SPAG16: variants seen among roughly 807,000 people sequenced by gnomAD.
SPAG16 encodes the protein sperm associated antigen 16.
Under a neutral mutation model 80.4 loss-of-function variants are expected in SPAG16, and 86 were observed. The observed-to-expected ratio is 1.07, with a 90% CI of 0.90 to 1.28. The LOEUF is 1.28. Among genes scored for constraint, SPAG16 ranks in the 50% most tolerant of loss-of-function variants. The pLI, the probability that SPAG16 is intolerant of heterozygous loss-of-function variation, is 0.00. For synonymous variants in SPAG16, 294 were observed against 265.9 expected, an observed-to-expected ratio of 1.11 and a Z score of -1.03; for missense variants, 870 against 765.3, an observed-to-expected ratio of 1.14 and a Z score of -1.61.
intron 1 of SPAG16, among the ~76,000 whole-genome samples, chr2:213,290,833 G>A (rs1307903664): frequency 1.3e-5 from 2 of 152,150 alleles, no homozygotes; most frequent in Non-Finnish European, 2.9e-5. Flanking sequence ...TGGCAAGATT[G>A]TTATCCAAAA....
Position 213,385,491 on chromosome 2 carries a change from C to T in SPAG16, c.942+10372C>T, listed in dbSNP as rs192090862. 5.3e-5 allele frequency among the ~76,000 whole-genome samples: 8 copies of T among 152,216 alleles called. No individual in the cohort carries two copies. The East Asian group carries it at 1.5e-3, about 29-fold the overall frequency. ...ACCCATAGGTACATGTTGGCTAGTTCCTGCAGTTCCTTGGAAGTAGTTCTT... is the reference window on the plus strand; with the variant it reads ...ACCCATAGGTACATGTTGGCTAGTTTCTGCAGTTCCTTGGAAGTAGTTCTT... On this transcript the variant is annotated intron_variant, in intron 9 of 15. Transcript: ENST00000331683.
chr2:214,238,396 T>G (rs1340440618), intron 15 of SPAG16: 1 of 166,086 alleles, frequency 6.0e-6, no homozygotes, highest in Non-Finnish European at 1.3e-5. Flanking sequence ...CAGGGATTAT[T>G]TTCATGCTCA....
At position 213,976,819 on chromosome 2, in the gene SPAG16, T is replaced by TTTTG. The variant is rs376198526; in HGVS notation, c.1401-37108_1401-37105dup. Among the ~76,000 whole-genome samples the TTTTG allele has an allele frequency of 3.5e-3, 525 of 151,992 alleles. 1 individual carries two copies. Among genetic ancestry groups the TTTTG allele is most frequent in the African/African-American group, 9.1e-3 (376 of 41,436 alleles). On this transcript the variant is annotated intron_variant, in intron 12 of 15. Coordinates refer to ENST00000331683, the MANE Select transcript of SPAG16 (RefSeq NM_024532.5). ...ACAACTTGAATGAGTTTGGAAGTGGTTTTGTTTGTTTGTTTGTTTGTTTGT... is the reference window on the plus strand; with the variant it reads ...ACAACTTGAATGAGTTTGGAAGTGGTTTTGTTTGTTTGTTTGTTTGTTTGTTTGT...
intron 14 of SPAG16, among the ~76,000 whole-genome samples, chr2:214,122,677 C>T (rs2054277607): frequency 6.6e-6 from 1 of 151,784 alleles, no homozygotes; most frequent in Non-Finnish European, 1.5e-5. Context: ...TTCAATTTTG[C>T]TTACTTTTCC....
chr2:213,723,254 G>A (rs1458993297), intron 10 of SPAG16, among the ~76,000 whole-genome samples: 2 of 152,044 alleles, frequency 1.3e-5, no homozygotes, highest in African/African-American at 4.8e-5. Flanking sequence ...TGGATGGCAT[G>A]TGGCTGGCCA....
intron 15 of SPAG16, among the ~76,000 whole-genome samples, chr2:214,260,972 T>C (rs1200402917): frequency 2.6e-5 from 4 of 151,580 alleles, no homozygotes; most frequent in Non-Finnish European, 5.9e-5. Flanking sequence ...CCGGGCGTGG[T>C]GGTGGGCACC....
chr2:213,513,278 G>A (rs1019011285), intron 10 of SPAG16, among the ~76,000 whole-genome samples: 4 of 152,148 alleles, frequency 2.6e-5, no homozygotes, highest in Non-Finnish European at 5.9e-5. Flanking sequence ...GTCATACACT[G>A]TGGCTGAACC....
intron 6 of SPAG16, among the ~76,000 whole-genome samples, chr2:213,346,045 C>G: frequency 6.6e-6 from 1 of 152,138 alleles, no homozygotes; most frequent in East Asian, 1.9e-4. Flanking sequence ...TTTGTATCCT[C>G]TTTTATTTCC....
intron 9 of SPAG16, among the ~76,000 whole-genome samples, chr2:213,474,679 A>G (rs1309514093): frequency 6.6e-6 from 1 of 152,180 alleles, no homozygotes; most frequent in Non-Finnish European, 1.5e-5. Context: ...CAACTCCAGA[A>G]ACCCTAAAAC....
intron 9 of SPAG16, among the ~76,000 whole-genome samples, chr2:213,453,147 C>T (rs1025258358): frequency 1.3e-5 from 2 of 152,114 alleles, no homozygotes; most frequent in Admixed American, 6.5e-5. Flanking sequence ...GTTTATGGTT[C>T]TTGTATTGTA....
At chr2:213,731,104 T>C (rs920755622) in intron 10 of SPAG16, among the ~76,000 whole-genome samples, 2 of 151,950 alleles carry the variant, frequency 1.3e-5, no homozygotes, top group African/African-American at 4.8e-5. Context: ...TTATACACAG[T>C]TAATTTAAGT....
intron 15 of SPAG16, among the ~76,000 whole-genome samples, chr2:214,249,711 A>G (rs1209559024): frequency 6.6e-6 from 1 of 151,018 alleles, no homozygotes; most frequent in African/African-American, 2.4e-5. Flanking sequence ...CACATGGTGG[A>G]TATAACAGTA....
At chr2:214,026,471 A>G (rs1478428396) in intron 13 of SPAG16, among the ~76,000 whole-genome samples, 3 of 149,406 alleles carry the variant, frequency 2.0e-5, no homozygotes, top group Admixed American at 6.6e-5. Flanking sequence ...AATCTGCATA[A>G]TAACAGTGAA....
At chr2:214,310,315 TATAG>T (rs1268710525) in intron 15 of SPAG16, among the ~76,000 whole-genome samples, 1 of 152,138 alleles carries the variant, frequency 6.6e-6, no homozygotes, top group African/African-American at 2.4e-5. Flanking sequence ...ATTCATTGGT[TATAG>T]ATAGCTTTTG....
At chr2:213,403,283 T>A (rs1323975012) in intron 9 of SPAG16, among the ~76,000 whole-genome samples, 2 of 152,192 alleles carry the variant, frequency 1.3e-5, no homozygotes, top group Non-Finnish European at 2.9e-5. Context: ...TGTTTGTTTT[T>A]TTCTTGTAAA....
At chr2:214,286,728 C>G (rs1282711299) in intron 15 of SPAG16, among the ~76,000 whole-genome samples, 1 of 152,116 alleles carries the variant, frequency 6.6e-6, no homozygotes, top group East Asian at 1.9e-4. Flanking sequence ...GCCTGGGCGA[C>G]AGAGTGAGAC....
intron 13 of SPAG16, among the ~76,000 whole-genome samples, chr2:214,030,095 A>C (rs527845281): frequency 2.6e-5 from 4 of 152,160 alleles, no homozygotes; most frequent in Non-Finnish European, 5.9e-5. Flanking sequence ...TTCATCTTAC[A>C]TAATGGAAAC....
chr2:214,241,456 A>C (rs1280502592), intron 15 of SPAG16: 2 of 151,704 alleles, frequency 1.3e-5, no homozygotes. Flanking sequence ...ATCATTATGC[A>C]CTATTATTTG....
chr2:213,444,610 A>G (rs1448134316), intron 9 of SPAG16, among the ~76,000 whole-genome samples: 1 of 152,220 alleles, frequency 6.6e-6, no homozygotes, highest in East Asian at 1.9e-4. Context: ...TGATTCATCT[A>G]ATCCATGGAC....
Sources: gnomAD v4.1 joint callset for allele counts (sites outside exome capture counted in the v4.1 genomes callset) on GRCh38, gnomAD v4.1.1 for gene constraint, MANE v1.5 for transcripts, NCBI Gene and HGNC (gene_info 2026-07-23, HGNC 2026-07-21) for gene names.